Variants in MAD1L1 observed in about 807,000 individuals in gnomAD.
The protein encoded by MAD1L1 is mitotic spindle assembly checkpoint protein MAD1.
In MAD1L1, 95 loss-of-function variants were observed where a neutral mutation model predicts 96.9. That is an observed-to-expected ratio of 0.98 (90% CI 0.83 to 1.16). The LOEUF is 1.16. MAD1L1 is among the 50% of genes most tolerant of loss of function. The probability of loss-of-function intolerance (pLI) is 0.00; values close to 1 mark genes in which losing one functional copy is unlikely to be tolerated. For missense variants in MAD1L1, 1,007 were observed against 954.4 expected (o/e 1.06, Z -0.73); for synonymous variants, 473 against 396.6 (o/e 1.19, Z -2.29).
intron 12 of MAD1L1, among the ~76,000 whole-genome samples, chr7:2,023,836 C>A (rs1250841556): frequency 6.6e-6 from 1 of 152,028 alleles, no homozygotes; most frequent in Admixed American, 6.5e-5. Flanking sequence ...GTAATCCCAG[C>A]TACTTGGAAG....
rs1299536109 is a variant in MAD1L1 at position 2,142,248 on chromosome 7, G to A, written c.1073+6904C>T. Among the ~76,000 whole-genome samples, 1 of 152,220 alleles carries A rather than the reference G, an allele frequency of 6.6e-6. No individual in the cohort carries two copies. Reference sequence around the variant, plus strand: ...CTTCGCCAAAGAACAAGGCAGGCACGTGCCAGCATCCGCACTGGAACCACC... The same window carrying A: ...CTTCGCCAAAGAACAAGGCAGGCACATGCCAGCATCCGCACTGGAACCACC... On this transcript the variant is annotated intron_variant, in intron 11 of 18. Transcript: ENST00000265854. The surrounding 1 kb of genome is among the most constrained non-coding windows in gnomAD (Gnocchi z 4.7).
chr7:2,135,880 G>A (rs921042043), intron 11 of MAD1L1, among the ~76,000 whole-genome samples: 4 of 152,268 alleles, frequency 2.6e-5, no homozygotes, highest in East Asian at 1.9e-4. Context: ...GGCTCTTTTC[G>A]CCATATAACT....
chr7:2,152,728 C>T (rs567538334), intron 10 of MAD1L1, among the ~76,000 whole-genome samples: 13 of 152,304 alleles, frequency 8.5e-5, no homozygotes, highest in South Asian at 4.1e-4. Flanking sequence ...CAAAACCCTA[C>T]GGCACAGGTA....
intron 11 of MAD1L1, among the ~76,000 whole-genome samples, chr7:2,095,959 G>A (rs572777287): frequency 3.9e-5 from 6 of 152,350 alleles, no homozygotes; most frequent in East Asian, 1.9e-4. Flanking sequence ...GCGGGTCCGC[G>A]GGGAGACACA....
chr7:2,159,907 G>A (rs2128587420), intron 10 of MAD1L1, among the ~76,000 whole-genome samples: 1 of 152,294 alleles, frequency 6.6e-6, no homozygotes, highest in Middle Eastern at 3.4e-3. Flanking sequence ...GTCAAAACCT[G>A]CATGGCTGTG....
intron 11 of MAD1L1, among the ~76,000 whole-genome samples, chr7:2,098,198 C>T (rs1045730173): frequency 2.5e-4 from 38 of 152,178 alleles, no homozygotes; most frequent in African/African-American, 9.2e-4. Context: ...GTCTTTGAGG[C>T]CCCAGGACTG....
intron 14 of MAD1L1, among the ~76,000 whole-genome samples, chr7:1,995,420 C>T (rs1263139544): frequency 4.6e-5 from 7 of 152,184 alleles, no homozygotes; most frequent in Admixed American, 1.3e-4. Flanking sequence ...GGAGGCTCCC[C>T]GCTTCCTCTC....
intron 18 of MAD1L1, chr7:1,872,806 G>A (rs1785176249): frequency 2.0e-5 from 3 of 152,272 alleles, no homozygotes; most frequent in Admixed American, 1.3e-4. Context: ...AGCCTTCTGT[G>A]TGCTGAGATC....
intron 16 of MAD1L1, among the ~76,000 whole-genome samples, chr7:1,943,384 T>C (rs1171661606): frequency 1.3e-5 from 2 of 152,068 alleles, no homozygotes; most frequent in African/African-American, 4.8e-5. Flanking sequence ...CCTCAACACA[T>C]GAAGCACTGT....
chr7:2,201,224 T>C (rs1382564898), intron 10 of MAD1L1, among the ~76,000 whole-genome samples: 1 of 113,842 alleles, frequency 8.8e-6, no homozygotes, highest in South Asian at 3.4e-4. Context: ...GAAGGGCAGG[T>C]AGTGGTGGGC....
At chr7:2,107,902 G>A (rs1787179199) in intron 11 of MAD1L1, among the ~76,000 whole-genome samples, 2 of 152,076 alleles carry the variant, frequency 1.3e-5, no homozygotes, top group Non-Finnish European at 2.9e-5. Flanking sequence ...GGCACATGTC[G>A]CTGGACTGTG....
At chr7:1,979,047 G>A (rs1437434216) in intron 15 of MAD1L1, among the ~76,000 whole-genome samples, 1 of 152,224 alleles carries the variant, frequency 6.6e-6, no homozygotes, top group Non-Finnish European at 1.5e-5. Context: ...CCTGGGCCGG[G>A]GCCACACTAA....
intron 10 of MAD1L1, chr7:2,200,635 C>T (rs1792239962): frequency 6.6e-6 from 1 of 152,286 alleles, no homozygotes; most frequent in South Asian, 2.1e-4. Flanking sequence ...GCCCCACAGG[C>T]TGGTGCTGAC....
chr7:1,945,195 G>A (rs1322632398), intron 16 of MAD1L1, among the ~76,000 whole-genome samples: 2 of 152,254 alleles, frequency 1.3e-5, no homozygotes, highest in African/African-American at 4.8e-5. Context: ...GCTGTTGCCA[G>A]CGGGACACCC....
At chr7:1,918,866 GC>G (rs1451503606) in intron 17 of MAD1L1, among the ~76,000 whole-genome samples, 2 of 143,330 alleles carry the variant, frequency 1.4e-5, no homozygotes, top group East Asian at 2.3e-4. Context: ...CCTGGCCCCA[GC>G]CCCCCTCCCC....
At chr7:2,164,134 T>C (rs1422904718) in intron 10 of MAD1L1, among the ~76,000 whole-genome samples, 4 of 152,328 alleles carry the variant, frequency 2.6e-5, no homozygotes, top group South Asian at 2.1e-4. Context: ...AATAGGTTAC[T>C]TGTATAACGA....
At chr7:1,854,308 C>T (rs951087465) in intron 18 of MAD1L1, 6 of 449,036 alleles carry the variant, frequency 1.3e-5, no homozygotes, top group African/African-American at 1.0e-4. Flanking sequence ...CAGCAGCGAG[C>T]GGACGTCCTG....
intron 11 of MAD1L1, among the ~76,000 whole-genome samples, chr7:2,131,190 T>A (rs1171262253): frequency 2.0e-5 from 3 of 152,302 alleles, no homozygotes; most frequent in African/African-American, 7.2e-5. Flanking sequence ...GAGCGGACCC[T>A]GCACACGATA....
At chr7:1,978,272 C>A (rs73275240) in intron 15 of MAD1L1, among the ~76,000 whole-genome samples, 5,120 of 152,298 alleles carry the variant, frequency 0.034, 185 homozygotes, top group East Asian at 0.086. Flanking sequence ...CACACTACCC[C>A]CTCTCCGAGG....
Sources: allele counts gnomAD v4.1 joint callset (sites outside exome capture counted in the v4.1 genomes callset), GRCh38; gene constraint gnomAD v4.1.1; non-coding constraint Gnocchi (gnomAD v3.1); transcripts MANE v1.5; gene names NCBI Gene and HGNC (gene_info 2026-07-23, HGNC 2026-07-21).